DIS3L2: variants seen among roughly 807,000 people sequenced by gnomAD.
DIS3L2 encodes DIS3-like exonuclease 2.
A neutral mutation model predicts 97.5 loss-of-function variants in DIS3L2; 34 were observed. The ratio of observed to expected loss-of-function variants is 0.35; its 90% CI spans 0.27 to 0.46. The LOEUF is 0.46. Among genes scored for constraint, DIS3L2 ranks in the 20% least tolerant of loss-of-function variants. The pLI is 1.00. For missense variants in DIS3L2, 1,038 were observed against 1,146.0 expected (o/e 0.91, Z 1.36); for synonymous variants, 435 against 445.2 (o/e 0.98, Z 0.29).
At chr2:232,136,870 CT>C in intron 8 of DIS3L2, 151 bp downstream of exon 8, 2 of 956,122 alleles carry the variant, frequency 2.1e-6, no homozygotes, top group Non-Finnish European at 3.0e-6. Context: ...AGAAGTCACT[CT>C]TAGCTGCCAC....
intron 6 of DIS3L2, among the ~76,000 whole-genome samples, chr2:232,127,535 T>C (rs1411794506): frequency 6.6e-6 from 1 of 152,222 alleles, no homozygotes; most frequent in Non-Finnish European, 1.5e-5. Flanking sequence ...TTAACTGGTC[T>C]CCCTACACCC....
At chr2:232,045,021 T>C (rs1019979936) in intron 5 of DIS3L2, among the ~76,000 whole-genome samples, 1 of 152,058 alleles carries the variant, frequency 6.6e-6, no homozygotes. Context: ...ATCGGTCTAG[T>C]GGAGCAATAA....
intron 4 of DIS3L2, 129 bp from the exon 5 acceptor site, chr2:232,029,846 CTTTA>C (rs1694754555): frequency 3.2e-6 from 2 of 634,238 alleles, no homozygotes; most frequent in African/African-American, 1.9e-5. Context: ...TATCAGCATG[CTTTA>C]TTTAATACGA....
At chr2:232,209,859 T>C (rs1692137531) in intron 9 of DIS3L2, among the ~76,000 whole-genome samples, 1 of 152,256 alleles carries the variant, frequency 6.6e-6, no homozygotes, top group Non-Finnish European at 1.5e-5. Flanking sequence ...TGATTTGTGC[T>C]GTTTCCAGGT....
intron 1 of DIS3L2, among the ~76,000 whole-genome samples, chr2:231,965,588 C>T (rs1692686342): frequency 6.6e-6 from 1 of 151,908 alleles, no homozygotes; most frequent in South Asian, 2.1e-4. Context: ...ACTTAGTGTT[C>T]ATTTATTCAC....
chr2:232,048,013 G>C (rs564067054), intron 5 of DIS3L2, among the ~76,000 whole-genome samples: 1 of 152,234 alleles, frequency 6.6e-6, no homozygotes, highest in South Asian at 2.1e-4. Flanking sequence ...CTATTATGCT[G>C]TTGTGAACAT....
chr2:232,334,058 C>T, intron 17 of DIS3L2, 71 bp downstream of exon 17: 2 of 1,541,206 alleles, frequency 1.3e-6, no homozygotes, highest in Non-Finnish European at 1.7e-6. Flanking sequence ...AGTGGGTGCT[C>T]AGTGGCCCAA....
chr2:232,293,031 T>G lies in DIS3L2; in HGVS notation c.1660-7009T>G, dbSNP rs932352099. On this transcript the variant is annotated intron_variant, in intron 13 of 20. Coordinates refer to ENST00000325385, the MANE Select transcript of DIS3L2 (RefSeq NM_152383.5). This position sits in a 1 kb window ranked among gnomAD's most constrained non-coding sequence, Gnocchi z 4.6. ...GTGAAGTCTGAGTGGCTGCCATTCTTGCAGGCTGACTTCCCAAGCTGAGCT... is the reference window on the plus strand; with the variant it reads ...GTGAAGTCTGAGTGGCTGCCATTCTGGCAGGCTGACTTCCCAAGCTGAGCT... 6.6e-6 allele frequency among the ~76,000 whole-genome samples: 1 copy of G among 152,150 alleles called. No individual in the cohort carries two copies. Among genetic ancestry groups the G allele is most frequent in the Non-Finnish European group, 1.5e-5 (1 of 68,030 alleles).
At chr2:232,206,320 C>G (rs184170674) in intron 9 of DIS3L2, among the ~76,000 whole-genome samples, 9 of 152,294 alleles carry the variant, frequency 5.9e-5, no homozygotes, top group Middle Eastern at 3.4e-3. Context: ...TTGGCACATT[C>G]AGAAACGTTG....
At chr2:232,171,839 T>A (rs1351702738) in intron 9 of DIS3L2, among the ~76,000 whole-genome samples, 1 of 152,202 alleles carries the variant, frequency 6.6e-6, no homozygotes, top group Non-Finnish European at 1.5e-5. Flanking sequence ...ATAAAATTCA[T>A]GTTGATAAAT....
chr2:232,224,845 A>G (rs1444209976), intron 10 of DIS3L2, among the ~76,000 whole-genome samples: 2 of 151,962 alleles, frequency 1.3e-5, no homozygotes, highest in Non-Finnish European at 2.9e-5. Context: ...CTTTAAAAAA[A>G]AAAAAAAAAG....
At chr2:232,213,803 G>T (rs918911462) in intron 10 of DIS3L2, among the ~76,000 whole-genome samples, 1 of 151,132 alleles carries the variant, frequency 6.6e-6, no homozygotes, top group Admixed American at 6.6e-5. Flanking sequence ...GAGTTCAGAT[G>T]TACTCCCAGG....
At chr2:231,964,064 A>C (rs1692640103) in intron 1 of DIS3L2, among the ~76,000 whole-genome samples, 1 of 152,208 alleles carries the variant, frequency 6.6e-6, no homozygotes, top group South Asian at 2.1e-4. Flanking sequence ...ATATCATGAA[A>C]TATATACAGT....
intron 6 of DIS3L2, among the ~76,000 whole-genome samples, chr2:232,124,626 A>G (rs1021659092): frequency 5.3e-5 from 8 of 152,224 alleles, no homozygotes; most frequent in Admixed American, 2.0e-4. Context: ...AAGTTGAATT[A>G]GAGTTCTAGA....
intron 9 of DIS3L2, among the ~76,000 whole-genome samples, chr2:232,177,130 T>C (rs1447743445): frequency 1.4e-5 from 2 of 147,174 alleles, no homozygotes; most frequent in Non-Finnish European, 3.0e-5. Flanking sequence ...ACAAAGGACA[T>C]AAACTCATCA....
chr2:232,066,696 G>C (rs1393834511), intron 5 of DIS3L2, among the ~76,000 whole-genome samples: 2 of 152,002 alleles, frequency 1.3e-5, no homozygotes, highest in Non-Finnish European at 2.9e-5. Context: ...TATGGGCTTA[G>C]AGTATTCTTT....
intron 8 of DIS3L2, among the ~76,000 whole-genome samples, chr2:232,148,657 G>T (rs778859971): frequency 8.8e-4 from 133 of 150,978 alleles, no homozygotes; most frequent in Non-Finnish European, 1.5e-3. Flanking sequence ...GAGACTCTTT[G>T]GACTCAGAGT....
intron 1 of DIS3L2, among the ~76,000 whole-genome samples, chr2:232,014,073 C>T (rs1477433238): frequency 6.6e-6 from 1 of 152,194 alleles, no homozygotes; most frequent in South Asian, 2.1e-4. Context: ...TGGTGGCCAG[C>T]AGAGACTAGA....
intron 5 of DIS3L2, among the ~76,000 whole-genome samples, chr2:232,045,871 C>T (rs1057175283): frequency 2.6e-5 from 4 of 151,934 alleles, no homozygotes; most frequent in African/African-American, 9.7e-5. Flanking sequence ...GGTGGGGTTT[C>T]ACCATGTTGA....
Sources: gnomAD v4.1 joint callset for allele counts (sites outside exome capture counted in the v4.1 genomes callset) on GRCh38, gnomAD v4.1.1 for gene constraint, Gnocchi (gnomAD v3.1) non-coding constraint, MANE v1.5 for transcripts, NCBI Gene and HGNC (gene_info 2026-07-23, HGNC 2026-07-21) for gene names.